The following SEMA4D variants were observed in gnomAD, a reference collection of about 807,000 sequenced individuals.
The protein encoded by SEMA4D is semaphorin 4D.
A neutral mutation model predicts 74.8 loss-of-function variants in SEMA4D; 22 were observed. The ratio of observed to expected loss-of-function variants is 0.29; its 90% confidence interval spans 0.21 to 0.42. SEMA4D has a LOEUF of 0.42. SEMA4D is among the 10% of genes least tolerant of loss of function. The pLI, the probability that SEMA4D is intolerant of heterozygous loss-of-function variation, is 1.00. For synonymous variants in SEMA4D, 445 were observed against 463.7 expected, an observed-to-expected ratio of 0.96 and a Z score of 0.52; for missense variants, 937 against 1,118.4, an observed-to-expected ratio of 0.84 and a Z score of 2.31.
chr9:89,391,538 G>A, intron 8 of SEMA4D, 123 bp from the exon 9 acceptor site: 1 of 892,240 alleles, frequency 1.1e-6, no homozygotes, highest in Non-Finnish European at 1.8e-6. Context: ...AGGATGTCTG[G>A]AGTGTGCACA....
At chr9:89,483,582 G>T (rs1054412125) in intron 1 of SEMA4D, among the ~76,000 whole-genome samples, 1 of 152,166 alleles carries the variant, frequency 6.6e-6, no homozygotes, top group Admixed American at 6.5e-5. Context: ...TACACATAGG[G>T]CCAGATGTCA....
chr9:89,396,786 G>C lies in SEMA4D; in HGVS notation c.365C>G (p.Ser122Cys), dbSNP rs1258698767. 1.2e-6 allele frequency: 2 copies of C among 1,614,072 alleles called. No homozygotes were observed. The highest frequency in any genetic ancestry group is 3.3e-5 in the Admixed American group (2 of 60,012). The change falls in exon 6 of 16, where the codon TCC (serine) becomes TGC (cysteine). Residue 122 changes from serine to cysteine, a missense_variant. Coordinates refer to ENST00000422704, the MANE Select transcript of SEMA4D (RefSeq NM_001371194.2). ...IRVLQPLSAT[S>C]LYVCGTNAFQ... is the part of the protein sequence containing the mutation. ...TGCGTTGGTCCCACACACGTAAAGG[G>C]AAGTGGCGCTGAGTGGCTGCAGCAC...
intron 1 of SEMA4D, among the ~76,000 whole-genome samples, chr9:89,469,827 C>T (rs1184482071): frequency 2.6e-5 from 4 of 152,196 alleles, no homozygotes; most frequent in Non-Finnish European, 5.9e-5. Context: ...CAGACAGATG[C>T]TTTCACCGAA....
rs1229407959 is a variant in SEMA4D at position 89,378,346 on chromosome 9, C to T, written c.*358G>A. ...TTAAATAATCTTTTAGTGGCTGCTA[C>T]GGGGAGGGGAAGCTGAAGGGATGCT... On this transcript the variant is annotated 3_prime_UTR_variant, in exon 16 of 16. Transcript: ENST00000422704. The T allele has an allele frequency of 2.4e-5, 5 of 208,328 alleles. No individual in the cohort carries two copies. The highest frequency in any genetic ancestry group is 4.6e-5 in the African/African-American group (2 of 43,424). The allele number at this position is 208,328 out of a possible 1,614,324, so 12.9% of individuals were successfully genotyped here.
At chr9:89,486,868 T>C (rs1001630816) in intron 1 of SEMA4D, among the ~76,000 whole-genome samples, 1 of 152,056 alleles carries the variant, frequency 6.6e-6, no homozygotes, top group Admixed American at 6.6e-5. Context: ...GATTGAGCTA[T>C]GATTGTACCA....
chr9:89,417,788 G>A (rs752859994), intron 2 of SEMA4D, among the ~76,000 whole-genome samples: 4 of 152,244 alleles, frequency 2.6e-5, no homozygotes, highest in Non-Finnish European at 5.9e-5. Context: ...CCCAGTGGGA[G>A]GAGAGGCCGA....
At chr9:89,408,366 G>C (rs1843755066) in intron 2 of SEMA4D, among the ~76,000 whole-genome samples, 1 of 152,118 alleles carries the variant, frequency 6.6e-6, no homozygotes, top group South Asian at 2.1e-4. Flanking sequence ...TGCTGCCCTT[G>C]CTCTTCTCAG....
intron 1 of SEMA4D, among the ~76,000 whole-genome samples, chr9:89,458,889 T>C (rs1215844806): frequency 6.6e-6 from 1 of 151,782 alleles, no homozygotes; most frequent in Non-Finnish European, 1.5e-5. Context: ...CAAACATATG[T>C]ACCTATACGC....
chr9:89,478,395 G>A (rs1295901553), intron 1 of SEMA4D, among the ~76,000 whole-genome samples: 2 of 152,154 alleles, frequency 1.3e-5, no homozygotes, highest in East Asian at 1.9e-4. Flanking sequence ...CCACACAAGA[G>A]GGAAGAAGCA....
At position 89,423,493 on chromosome 9, in the gene SEMA4D, TCAAA is replaced by T. The variant is rs1246503073; in HGVS notation, c.-243-17798_-243-17795del. Among the ~76,000 whole-genome samples the T allele has an allele frequency of 1.1e-4, 16 of 152,280 alleles. No individual in the cohort carries two copies. In the East Asian group the frequency reaches 3.1e-3, roughly 29 times the overall value. ...GCATGAGCCACTGTGTCCGGCCAGCTCAAACATTTTTTATGCTTCTTTCAAGTCT... is the reference window on the plus strand; with the variant it reads ...GCATGAGCCACTGTGTCCGGCCAGCTCATTTTTTATGCTTCTTTCAAGTCT... On this transcript the variant is annotated intron_variant, in intron 2 of 15. Coordinates refer to ENST00000422704, the MANE Select transcript of SEMA4D (RefSeq NM_001371194.2).
intron 1 of SEMA4D, among the ~76,000 whole-genome samples, chr9:89,463,161 G>A (rs1857767411): frequency 6.6e-6 from 1 of 151,886 alleles, no homozygotes; most frequent in Non-Finnish European, 1.5e-5. Context: ...TTCAGACTGG[G>A]GAATACCAGA....
intron 2 of SEMA4D, among the ~76,000 whole-genome samples, chr9:89,427,513 C>T (rs1331710370): frequency 6.6e-6 from 1 of 152,188 alleles, no homozygotes; most frequent in Non-Finnish European, 1.5e-5. Context: ...GTCAAGCAAA[C>T]CCCCAATATT....
At chr9:89,435,373 C>T (rs1282074686) in intron 2 of SEMA4D, among the ~76,000 whole-genome samples, 2 of 152,196 alleles carry the variant, frequency 1.3e-5, no homozygotes, top group Non-Finnish European at 2.9e-5. Context: ...CATTCACAGC[C>T]CCCATTCCTA....
intron 16 of SEMA4D, among the ~76,000 whole-genome samples, chr9:89,372,104 GAT>G: frequency 2.0e-5 from 1 of 49,116 alleles, no homozygotes; most frequent in Non-Finnish European, 3.8e-5. Context: ...TGGGGGGTGT[GAT>G]GGGTGTGGTG....
In SEMA4D at chr9:89,379,516, C is replaced by T. The variant is rs779970961; in HGVS notation, c.1777G>A (p.Val593Met). The change falls in exon 16 of 16, where the codon GTG becomes ATG. Residue 593 changes from valine (V) to methionine (M), a missense_variant. By Grantham distance (21) the Val-to-Met change is conservative (BLOSUM62 1). Transcript: ENST00000422704. Reference sequence around the variant, plus strand: ...TACTTGGGGCTCTCGGCCTTCAACACGCCATTCTGGAACTTCCAAAAGACC... The same window carrying T: ...TACTTGGGGCTCTCGGCCTTCAACATGCCATTCTGGAACTTCCAAAAGACC... ...ARVFWKFQNG[V>M]LKAESPKYGL... 8.1e-6 allele frequency: 13 copies of T among 1,614,014 alleles called. No homozygotes were observed. The highest frequency in any genetic ancestry group is 4.0e-5 in the African/African-American group (3 of 74,896).
intron 2 of SEMA4D, among the ~76,000 whole-genome samples, chr9:89,417,757 G>T (rs1041627552): frequency 6.6e-6 from 1 of 152,228 alleles, no homozygotes; most frequent in African/African-American, 2.4e-5. Flanking sequence ...CATCAGCCGC[G>T]GAGCTGCCAC....
intron 1 of SEMA4D, among the ~76,000 whole-genome samples, chr9:89,482,870 A>G: frequency 6.6e-6 from 1 of 152,196 alleles, no homozygotes; most frequent in Non-Finnish European, 1.5e-5. Context: ...CATCTGTGCT[A>G]AGCCATCTAT....
At position 89,498,020 on chromosome 9, in the gene SEMA4D, C is replaced by G. The variant is rs2136327225; in HGVS notation, c.-411G>C. The G allele has an allele frequency of 1.4e-5, 2 of 147,242 alleles. No individual in the cohort carries two copies. The highest frequency in any genetic ancestry group is 3.4e-3 in the Middle Eastern group (1 of 292). The allele number at this position is 147,242 out of a possible 1,614,324, so 9.1% of individuals were successfully genotyped here. A position where few individuals can be genotyped will look rare whatever the true frequency, so the allele number is the denominator to read the frequency against. ...CGGCAGCGGCGGGAGGCGGCCGGGC[C>G]GGGGAGGGGGTGGCGGGGAGGCCCG... On this transcript the variant is annotated 5_prime_UTR_variant, in exon 1 of 16. Transcript: ENST00000422704.
chr9:89,386,046 G>C (rs993983686), intron 13 of SEMA4D: 4 of 985,294 alleles, frequency 4.1e-6, no homozygotes, highest in Non-Finnish European at 4.8e-6. Context: ...CACCCCCCAA[G>C]CTCAGGGCAT....
Sources: gnomAD v4.1 joint callset for allele counts (sites outside exome capture counted in the v4.1 genomes callset) on GRCh38, gnomAD v4.1.1 for gene constraint, MANE v1.5 for transcripts, NCBI Gene and HGNC (gene_info 2026-07-23, HGNC 2026-07-21) for gene names.